Variants in PLCH2 observed in about 807,000 individuals in gnomAD.
The protein encoded by PLCH2 is 1-phosphatidylinositol 4,5-bisphosphate phosphodiesterase eta-2.
PLCH2 carries 98 observed loss-of-function variants against 134.7 expected under a neutral mutation model. That is an observed-to-expected ratio of 0.73 (90% CI 0.62 to 0.86). The LOEUF is 0.86. PLCH2 is among the 40% of genes least tolerant of loss of function. The pLI is 0.00. For synonymous variants in PLCH2, 974 were observed against 827.5 expected (o/e 1.18, Z -3.04); for missense variants, 1,994 against 1,986.6 (o/e 1.00, Z -0.07).
chr1:2,452,289 C>T (rs944990751), intron 2 of PLCH2, among the ~76,000 whole-genome samples: 5 of 152,188 alleles, frequency 3.3e-5, no homozygotes, highest in South Asian at 2.1e-4. Context: ...GTCCCCCTGC[C>T]GCCCCCCATC....
At chr1:2,500,007 T>C in intron 20 of PLCH2, 2 of 544,958 alleles carry the variant, frequency 3.7e-6, no homozygotes, top group East Asian at 3.0e-5. Flanking sequence ...CATGCCTGTC[T>C]CAGACTCTTG....
chr1:2,440,552 C>T lies in PLCH2; in HGVS notation c.115+9923C>T, dbSNP rs57960143. ...ATCCTCTCTCCATGTCTGTCGCTGG[C>T]CTTGCCTGGCCCGCCCGGGGATCTT... On this transcript the variant is annotated intron_variant, in intron 2 of 3. Transcript: ENST00000609981. Among the ~76,000 whole-genome samples the T allele has an allele frequency of 8.6e-4, 111 of 129,284 alleles. 45 individuals carry two copies. The highest frequency in any genetic ancestry group is 2.3e-3 in the East Asian group (9 of 3,972). 84.8% of individuals were successfully genotyped at this position (129,284 alleles called of 152,430 possible).
upstream of PLCH2, among the ~76,000 whole-genome samples, chr1:2,425,013 A>C (rs1638711361): frequency 6.6e-6 from 1 of 151,878 alleles, no homozygotes; most frequent in Non-Finnish European, 1.5e-5. Context: ...AAAACACAAA[A>C]TTAGACGTGC....
At position 2,491,229 on chromosome 1, in the gene PLCH2, A is replaced by G. The variant is rs1476490015; in HGVS notation, c.1553A>G (p.Lys518Arg). 6.2e-7 allele frequency: 1 copy of G among 1,613,180 alleles called. No individual in the cohort carries two copies. The highest frequency in any genetic ancestry group is 2.2e-5 in the East Asian group (1 of 44,880). ...TNRKRVENTAKRKLDSLIKES... is the reference protein window; with the variant it reads ...TNRKRVENTARRKLDSLIKES... Reference sequence around the variant, plus strand: ...CGAAAGCGTGTAGAAAACACTGCTAAGAGGAAACTGGATTCCCTCATCAAA... The same window carrying G: ...CGAAAGCGTGTAGAAAACACTGCTAGGAGGAAACTGGATTCCCTCATCAAA... Residue 518 changes from lysine (K) to arginine (R), a missense_variant, in exon 11 of 22, where the codon AAG (lysine) becomes AGG (arginine). Transcript: ENST00000378486.
At chr1:2,481,148 C>T (rs1379778645) in intron 4 of PLCH2, among the ~76,000 whole-genome samples, 2 of 152,266 alleles carry the variant, frequency 1.3e-5, no homozygotes, top group Non-Finnish European at 2.9e-5. Flanking sequence ...CGTGTCCAGC[C>T]CCTGCCAGCT....
At chr1:2,450,966 G>A (rs1427256617) in intron 2 of PLCH2, among the ~76,000 whole-genome samples, 1 of 151,736 alleles carries the variant, frequency 6.6e-6, no homozygotes, top group Non-Finnish European at 1.5e-5. Context: ...TGTAGAGAAG[G>A]AGGGACAGCT....
intron 2 of PLCH2, among the ~76,000 whole-genome samples, chr1:2,433,523 G>A (rs767490764): frequency 1.3e-5 from 2 of 152,146 alleles, no homozygotes; most frequent in African/African-American, 4.8e-5. Flanking sequence ...GCTCAGTCTC[G>A]GTGCCTTGAG....
chr1:2,481,608 C>T (rs1641973748), intron 4 of PLCH2, among the ~76,000 whole-genome samples: 1 of 152,246 alleles, frequency 6.6e-6, no homozygotes. Context: ...AAGGTCCAAC[C>T]AGACCTCCCT....
chr1:2,499,707 A>G lies in PLCH2; in HGVS notation c.2648A>G (p.Asp883Gly), dbSNP rs1406769889. 1.9e-6 allele frequency: 3 copies of G among 1,588,732 alleles called. No homozygotes were observed. Among genetic ancestry groups the G allele is most frequent in the Non-Finnish European group, 2.6e-6 (3 of 1,168,218 alleles). Residue 883 changes from aspartate to glycine, a missense_variant, in exon 20 of 22, where the codon GAC becomes GGC. Asp to Gly is a moderately conservative substitution (Grantham distance 94, BLOSUM62 -1). Around this residue, in one of 2 missense-constraint regions of PLCH2, gnomAD observed 1,094 missense variants for 1,234.3 expected, o/e 0.89. Coordinates refer to ENST00000378486, the MANE Select transcript of PLCH2 (RefSeq NM_014638.4). ...ASIFVHVAVS[D>G]ISGKVKQALG... ...ATCTTCGTGCATGTGGCTGTCAGTG[A>G]CATCAGCGGTAAGGTGAGTGTCACC...
chr1:2,425,567 G>A (rs1638750450), upstream of PLCH2, among the ~76,000 whole-genome samples: 1 of 152,214 alleles, frequency 6.6e-6, no homozygotes, highest in African/African-American at 2.4e-5. Context: ...AGGTTGGAGT[G>A]CAGTGGCATG....
intron 2 of PLCH2, among the ~76,000 whole-genome samples, chr1:2,447,083 G>A (rs747362376): frequency 2.0e-5 from 3 of 152,194 alleles, no homozygotes; most frequent in Non-Finnish European, 2.9e-5. Context: ...TTTGGGTGTC[G>A]ATTCCGGGGT....
chr1:2,433,646 T>C (rs539403170), intron 2 of PLCH2, among the ~76,000 whole-genome samples: 27 of 152,220 alleles, frequency 1.8e-4, no homozygotes, highest in Non-Finnish European at 1.5e-5. Context: ...CCGGCTCTTA[T>C]GTTGGCGGCT....
chr1:2,458,969 C>T (rs938987601), intron 2 of PLCH2, among the ~76,000 whole-genome samples: 18 of 151,918 alleles, frequency 1.2e-4, no homozygotes, highest in African/African-American at 2.2e-4. Context: ...GCCTGGGCCA[C>T]GCCGGTCTTG....
intron 4 of PLCH2, among the ~76,000 whole-genome samples, chr1:2,483,813 G>GGGCGC (rs1642116232): frequency 5.3e-4 from 14 of 26,508 alleles, no homozygotes; most frequent in Admixed American, 1.4e-3. Flanking sequence ...CCGTGTGGGG[G>GGGCGC]TGGCGCTGAC....
intron 10 of PLCH2, among the ~76,000 whole-genome samples, chr1:2,490,666 C>T (rs866789705): frequency 6.6e-6 from 1 of 152,254 alleles, no homozygotes; most frequent in African/African-American, 2.4e-5. Context: ...CGGCACACGC[C>T]TCTGTGTGGC....
At chr1:2,455,651 G>A (rs548986740) in intron 2 of PLCH2, among the ~76,000 whole-genome samples, 4 of 152,310 alleles carry the variant, frequency 2.6e-5, no homozygotes, top group Admixed American at 1.3e-4. Context: ...TCAGGCGGGG[G>A]CAGGAGCAGT....
intron 2 of PLCH2, among the ~76,000 whole-genome samples, chr1:2,455,357 G>C (rs540954702): frequency 4.5e-4 from 69 of 152,262 alleles, no homozygotes; most frequent in African/African-American, 1.5e-3. Flanking sequence ...GAGGACCCTC[G>C]GCCCTGCCAG....
rs762468190 is a variant in PLCH2, at chr1:2,504,997, C to T, written c.4035C>T (p.Arg1345=). 28 of 1,546,728 alleles carry T rather than the reference C, an allele frequency of 1.8e-5. No individual in the cohort carries two copies. The highest frequency in any genetic ancestry group is 3.7e-4 in the Middle Eastern group (2 of 5,472). The change falls in exon 22 of 22, where the codon CGC becomes CGT. Residue 1345 remains arginine, a synonymous_variant. Transcript: ENST00000378486. ...GCTCCTCCTCCCGCAGCCACAGCCG[C>T]GTGCGTGCCATTGCCAGCCGGGCCC... The part of the protein sequence containing the change: ...VRRSSSRSHS[R]VRAIASRARQ...
intron 12 of PLCH2, 148 bp from the exon 13 acceptor site, chr1:2,495,340 T>C: frequency 1.5e-6 from 1 of 658,602 alleles, no homozygotes. Flanking sequence ...GAGGAGGCTT[T>C]GGCAGGCCCA....
Sources: gnomAD v4.1 joint callset for allele counts (sites outside exome capture counted in the v4.1 genomes callset) on GRCh38, gnomAD v4.1.1 for gene constraint, gnomAD v4.1.1 regional missense constraint, MANE v1.5 for transcripts, NCBI Gene and HGNC (gene_info 2026-07-23, HGNC 2026-07-21) for gene names.